CTBP1: variants seen among roughly 807,000 people sequenced by gnomAD.
CTBP1 encodes the protein C-terminal binding protein 1, also known as C-terminal-binding protein 1.
In CTBP1, 11 loss-of-function variants were observed where a neutral mutation model predicts 42.1. The observed-to-expected ratio is 0.26, with a 90% CI of 0.16 to 0.43. The LOEUF (loss-of-function observed/expected upper bound fraction) is 0.43, where lower values mean the gene tolerates loss of function less well. Ranked by LOEUF, CTBP1 falls within the 20% of genes least tolerant of loss-of-function variation. CTBP1 has a pLI of 1.00. For missense variants in CTBP1, 399 were observed against 624.3 expected (o/e 0.64, Z 3.85); for synonymous variants, 324 against 277.1 (o/e 1.17, Z -1.68).
intron 3 of CTBP1, among the ~76,000 whole-genome samples, chr4:1,231,694 C>CT (rs1218656635): frequency 4.6e-5 from 7 of 152,260 alleles, no homozygotes; most frequent in African/African-American, 1.7e-4. Context: ...CACATCAGGT[C>CT]ACCATCAGGG....
intron 7 of CTBP1, chr4:1,213,998 G>C (rs1381826151): frequency 2.4e-6 from 1 of 411,126 alleles, no homozygotes; most frequent in East Asian, 4.7e-5. Flanking sequence ...GTCCCAAGGT[G>C]CTGTAGGGGC....
At chr4:1,244,753 G>A (rs1160336467) in intron 1 of CTBP1, 31 of 985,288 alleles carry the variant, frequency 3.1e-5, no homozygotes, top group South Asian at 1.4e-4. Context: ...TGGCCCTCTC[G>A]TGACAAAGCT....
intron 3 of CTBP1, among the ~76,000 whole-genome samples, chr4:1,229,495 C>T (rs190160290): frequency 9.8e-5 from 15 of 152,350 alleles, no homozygotes; most frequent in East Asian, 7.7e-4. Flanking sequence ...ACCTGTCCAG[C>T]GGGGCCCCAG....
chr4:1,228,479 G>A, intron 3 of CTBP1, 136 bp from the exon 4 acceptor site: 1 of 1,117,932 alleles, frequency 8.9e-7, no homozygotes, highest in South Asian at 1.6e-5. Flanking sequence ...CCCGGACACT[G>A]GGAGAGGCTA....
upstream of CTBP1, chr4:1,249,703 G>T (rs535511093): frequency 2.6e-4 from 108 of 409,358 alleles, no homozygotes; most frequent in Admixed American, 1.6e-3. Context: ...GCCTGCCCCA[G>T]TGCGTCCCCA....
chr4:1,217,593 C>CG (rs1729275160), intron 5 of CTBP1: 1 of 152,248 alleles, frequency 6.6e-6, no homozygotes, highest in Admixed American at 6.5e-5. Context: ...CACAAAGCCC[C>CG]GGAAGTCGGG....
intron 5 of CTBP1, chr4:1,221,620 C>T (rs1445165940): frequency 1.3e-5 from 3 of 238,492 alleles, no homozygotes; most frequent in Admixed American, 5.8e-5. Context: ...CCCCGACTGA[C>T]GGGAGGCGGA....
At chr4:1,220,327 A>G (rs1729600227) in intron 5 of CTBP1, among the ~76,000 whole-genome samples, 1 of 152,204 alleles carries the variant, frequency 6.6e-6, no homozygotes, top group Non-Finnish European at 1.5e-5. Context: ...AACATTTATA[A>G]CAGCATTACA....
Position 1,233,703 on chromosome 4 carries a change from G to A in CTBP1, c.162+4480C>T, listed in dbSNP as rs1323573358. Among the ~76,000 whole-genome samples the A allele has an allele frequency of 6.6e-6, 1 of 152,128 alleles. No homozygotes were observed. Among genetic ancestry groups the A allele is most frequent in the African/African-American group, 2.4e-5 (1 of 41,426 alleles). ...TCCCAGTCCTGAACCTGAACACTGG[G>A]GCGCCTCCCAGGCCCCGACATTCTT... On this transcript the variant is annotated intron_variant, in intron 3 of 9. Coordinates refer to ENST00000382952, the MANE Select transcript of CTBP1 (RefSeq NM_001012614.2). The surrounding 1 kb of genome is among the most constrained non-coding windows in gnomAD (Gnocchi z 4.6).
intron 5 of CTBP1, chr4:1,217,533 T>G (rs1729266546): frequency 6.6e-6 from 1 of 151,786 alleles, no homozygotes; most frequent in Non-Finnish European, 1.5e-5. Flanking sequence ...GAGAAAGGCG[T>G]CTCCCACAGC....
rs959217039 is a variant in CTBP1 at position 1,233,915 on chromosome 4, C to A, written c.162+4268G>T. On this transcript the variant is annotated intron_variant, in intron 3 of 9. Transcript: ENST00000382952. The surrounding 1 kb of genome is among the most constrained non-coding windows in gnomAD (Gnocchi z 4.6). Reference sequence around the variant, plus strand: ...CCAAAGCCTGGAGACAGGGAGCCTGCGGCCCCGCTGCCCTCTCCACAGCCA... The same window carrying A: ...CCAAAGCCTGGAGACAGGGAGCCTGAGGCCCCGCTGCCCTCTCCACAGCCA... Among the ~76,000 whole-genome samples, 2 of 152,118 alleles carry A rather than the reference C, an allele frequency of 1.3e-5. No homozygotes were observed. Among genetic ancestry groups the A allele is most frequent in the African/African-American group, 4.8e-5 (2 of 41,436 alleles).
Position 1,242,984 on chromosome 4 carries a change from C to T in CTBP1, c.-188-1465G>A, listed in dbSNP as rs186933397. On this transcript the variant is annotated intron_variant, in intron 1 of 9. Transcript: ENST00000382952. Reference sequence around the variant, plus strand: ...ATACTCATCAACGCCAACCGATACTCATCAATGCCAGCCAATACTCATCAA... The same window carrying T: ...ATACTCATCAACGCCAACCGATACTTATCAATGCCAGCCAATACTCATCAA... The T allele has an allele frequency of 4.5e-3, 4,468 of 985,132 alleles. 15 individuals carry two copies. Among genetic ancestry groups the T allele is most frequent in the Non-Finnish European group, 5.1e-3 (4,228 of 829,832 alleles). 61.0% of individuals were successfully genotyped at this position (985,132 alleles called of 1,614,324 possible).
chr4:1,249,383 G>T (rs564905732), upstream of CTBP1: 1 of 151,714 alleles, frequency 6.6e-6, no homozygotes, highest in East Asian at 1.9e-4. Flanking sequence ...ACTCAGCGCC[G>T]CTGGCGGGAG....
chr4:1,249,061 C>T lies in CTBP1; in HGVS notation c.-334G>A, dbSNP rs1203238835. 4.7e-6 allele frequency: 2 copies of T among 429,712 alleles called. No individual in the cohort carries two copies. The allele number at this position is 429,712 out of a possible 1,614,324, so 26.6% of individuals were successfully genotyped here. ...CGCCGTCCGCTGCTCCGCCCGCCCG[C>T]CTGCGCCTGGCCGCCGCCGTGCCGA... On this transcript the variant is annotated 5_prime_UTR_variant, in exon 1 of 10. Transcript: ENST00000382952.
intron 4 of CTBP1, among the ~76,000 whole-genome samples, chr4:1,227,089 G>A (rs957900556): frequency 6.6e-5 from 10 of 152,018 alleles, no homozygotes; most frequent in African/African-American, 1.7e-4. Flanking sequence ...CAAGCAGGAC[G>A]GCCAAGCACC....
At position 1,247,830 on chromosome 4, in the gene CTBP1, G is replaced by A. The variant is rs375599784; in HGVS notation, c.-189+1086C>T. Among the ~76,000 whole-genome samples the A allele has an allele frequency of 1.6e-4, 25 of 152,202 alleles. 2 individuals carry two copies. The highest frequency in any genetic ancestry group is 5.3e-4 in the African/African-American group (22 of 41,552). On this transcript the variant is annotated intron_variant, in intron 1 of 9. Transcript: ENST00000382952. Reference sequence around the variant, plus strand: ...ACCCGCCGCCTCGGCCCTAGCTCCAGGCCCTCTTGCCCCAACTCTCAGGGT... The same window carrying A: ...ACCCGCCGCCTCGGCCCTAGCTCCAAGCCCTCTTGCCCCAACTCTCAGGGT...
rs1421274132 is a variant in CTBP1, at chr4:1,226,205, G to A, written c.308-639C>T. ...CTCCCGGCCTTGTCCCCAGAGACAGGCCCTTCCCCAGCCAGTGCCCCTCCC... is the reference window on the plus strand; with the variant it reads ...CTCCCGGCCTTGTCCCCAGAGACAGACCCTTCCCCAGCCAGTGCCCCTCCC... On this transcript the variant is annotated intron_variant, in intron 4 of 9. Coordinates refer to ENST00000382952, the MANE Select transcript of CTBP1 (RefSeq NM_001012614.2). Among the ~76,000 whole-genome samples the A allele has an allele frequency of 2.6e-5, 4 of 152,088 alleles. No homozygotes were observed. In the East Asian group the frequency reaches 5.8e-4, roughly 22 times the overall value.
rs115455407 is a variant in CTBP1 at position 1,229,707 on chromosome 4, G to A, written c.163-1364C>T. ...AGCTGGTGTTGGGCAGGCATACGTGGGCAGGGTGAGGGCAGCCCCCAGGAA... is the reference window on the plus strand; with the variant it reads ...AGCTGGTGTTGGGCAGGCATACGTGAGCAGGGTGAGGGCAGCCCCCAGGAA... On this transcript the variant is annotated intron_variant, in intron 3 of 9. Transcript: ENST00000382952. Among the ~76,000 whole-genome samples, 278 of 152,332 alleles carry A rather than the reference G, an allele frequency of 1.8e-3. 2 individuals carry two copies. Among genetic ancestry groups the A allele is most frequent in the African/African-American group, 5.9e-3 (244 of 41,566 alleles).
intron 1 of CTBP1, chr4:1,248,547 G>A: frequency 2.6e-6 from 1 of 378,298 alleles, no homozygotes; most frequent in Non-Finnish European, 3.6e-6. Context: ...CGGGGACGGG[G>A]TAGCGGCCGG....
Sources: allele counts gnomAD v4.1 joint callset (sites outside exome capture counted in the v4.1 genomes callset), GRCh38; gene constraint gnomAD v4.1.1; non-coding constraint Gnocchi (gnomAD v3.1); transcripts MANE v1.5; gene names NCBI Gene and HGNC (gene_info 2026-07-23, HGNC 2026-07-21).